GRIA4: variants seen among roughly 807,000 people sequenced by gnomAD.
GRIA4 encodes the protein glutamate ionotropic receptor AMPA type subunit 4.
A neutral mutation model predicts 104.0 loss-of-function variants in GRIA4; 34 were observed. That is an observed-to-expected ratio of 0.33 (90% CI 0.25 to 0.44). The LOEUF (loss-of-function observed/expected upper bound fraction) is 0.44. Ranked by LOEUF, GRIA4 falls within the 20% of genes least tolerant of loss-of-function variation. The probability of loss-of-function intolerance (pLI) is 1.00; values close to 1 mark genes in which losing one functional copy is unlikely to be tolerated. For synonymous variants in GRIA4, 386 were observed against 381.9 expected (o/e 1.01, Z -0.13); for missense variants, 750 against 1,096.5 (o/e 0.68, Z 4.46).
chr11:105,771,230 C>T (rs1053940337), intron 4 of GRIA4, among the ~76,000 whole-genome samples: 5 of 152,068 alleles, frequency 3.3e-5, no homozygotes, highest in Non-Finnish European at 5.9e-5. Context: ...CATGCCCACT[C>T]TACAGAATTT....
chr11:105,951,813 C>T (rs2136241935), intron 14 of GRIA4, among the ~76,000 whole-genome samples: 2 of 151,918 alleles, frequency 1.3e-5, no homozygotes, highest in South Asian at 4.2e-4. Flanking sequence ...CAAAAATTAG[C>T]TGGGTATGGT....
At chr11:105,641,346 A>G (rs1291054890) in intron 3 of GRIA4, among the ~76,000 whole-genome samples, 2 of 152,124 alleles carry the variant, frequency 1.3e-5, no homozygotes, top group Non-Finnish European at 2.9e-5. Flanking sequence ...GTCACTCACC[A>G]TAGCCACTAT....
chr11:105,660,383 G>A (rs1448310718), intron 3 of GRIA4, among the ~76,000 whole-genome samples: 1 of 151,662 alleles, frequency 6.6e-6, no homozygotes, highest in Non-Finnish European at 1.5e-5. Flanking sequence ...GACTAAGAAT[G>A]ACATTACAGA....
chr11:105,643,722 T>C (rs914376321), intron 3 of GRIA4, among the ~76,000 whole-genome samples: 1 of 152,162 alleles, frequency 6.6e-6, no homozygotes, highest in African/African-American at 2.4e-5. Flanking sequence ...TGTTGTTTTT[T>C]GTTTTTGCTT....
chr11:105,745,063 A>C (rs879688743), intron 3 of GRIA4, among the ~76,000 whole-genome samples: 1 of 152,162 alleles, frequency 6.6e-6, no homozygotes, highest in Non-Finnish European at 1.5e-5. Flanking sequence ...AAATAAGAAG[A>C]AAATAGAAAC....
At chr11:105,625,832 A>G (rs1385762451) in intron 3 of GRIA4, among the ~76,000 whole-genome samples, 3 of 152,184 alleles carry the variant, frequency 2.0e-5, no homozygotes, top group Non-Finnish European at 4.4e-5. Context: ...GCTACAAATT[A>G]ACCTCTCCAT....
At chr11:105,710,199 T>C (rs1189974673) in intron 3 of GRIA4, among the ~76,000 whole-genome samples, 3 of 152,140 alleles carry the variant, frequency 2.0e-5, no homozygotes, top group African/African-American at 7.2e-5. Context: ...CTTACCTTGC[T>C]GCGATACATG....
chr11:105,719,298 C>T (rs1954211895), intron 3 of GRIA4, among the ~76,000 whole-genome samples: 1 of 152,074 alleles, frequency 6.6e-6, no homozygotes, highest in Non-Finnish European at 1.5e-5. Flanking sequence ...TAGGAACTAT[C>T]GGAGCGATTA....
intron 4 of GRIA4, among the ~76,000 whole-genome samples, chr11:105,754,098 A>T (rs914632680): frequency 5.3e-5 from 8 of 152,006 alleles, no homozygotes; most frequent in African/African-American, 1.9e-4. Context: ...AAAAGTCCCA[A>T]CCCTCTGATC....
chr11:105,654,487 G>A (rs1055189292), intron 3 of GRIA4, among the ~76,000 whole-genome samples: 9 of 151,894 alleles, frequency 5.9e-5, no homozygotes, highest in South Asian at 2.1e-4. Context: ...AATATTATGT[G>A]TATATTAATA....
At chr11:105,748,442 C>T (rs1453125306) in intron 3 of GRIA4, among the ~76,000 whole-genome samples, 1 of 151,904 alleles carries the variant, frequency 6.6e-6, no homozygotes, top group Non-Finnish European at 1.5e-5. Flanking sequence ...TGCAGTGGCC[C>T]GATCTCAACT....
At chr11:105,671,456 C>A (rs1393713694) in intron 3 of GRIA4, among the ~76,000 whole-genome samples, 1 of 151,722 alleles carries the variant, frequency 6.6e-6, no homozygotes, top group East Asian at 1.9e-4. Context: ...GAGGGTGAAT[C>A]ACCTAGGGTC....
intron 3 of GRIA4, among the ~76,000 whole-genome samples, chr11:105,662,028 C>T (rs201829441): frequency 8.2e-5 from 4 of 49,038 alleles, no homozygotes; most frequent in South Asian, 1.4e-3. Flanking sequence ...TGTGTGTGCA[C>T]ATCAAATGAA....
At chr11:105,861,995 T>G (rs545065871) in intron 4 of GRIA4, 29 bp from the exon 5 acceptor site, 89 of 1,483,052 alleles carry the variant, frequency 6.0e-5, no homozygotes, top group Non-Finnish European at 7.2e-5. Flanking sequence ...TAAAAGCATG[T>G]TTTTAGTAAC....
chr11:105,672,007 A>G (rs1005041125), intron 3 of GRIA4, among the ~76,000 whole-genome samples: 2 of 152,140 alleles, frequency 1.3e-5, no homozygotes, highest in Non-Finnish European at 2.9e-5. Flanking sequence ...TTATTTCTGC[A>G]GTGCTGGCAC....
At chr11:105,636,556 T>C (rs1951207850) in intron 3 of GRIA4, among the ~76,000 whole-genome samples, 1 of 152,140 alleles carries the variant, frequency 6.6e-6, no homozygotes, top group Non-Finnish European at 1.5e-5. Context: ...AGGCCTAAAA[T>C]AGAAAGGATT....
At position 105,708,800 on chromosome 11, in the gene GRIA4, T is replaced by C. The variant is rs557511670; in HGVS notation, c.248-44181T>C. 1.9e-3 allele frequency among the ~76,000 whole-genome samples: 283 copies of C among 152,050 alleles called. 3 individuals carry two copies. In the Middle Eastern group the frequency reaches 0.054, roughly 29 times the overall value. The stretch of plus-strand genomic sequence containing the variant: ...CTAGAATAAGCACTCCTGTGTTGGG[T>C]TGAAATAAGAATGAGTTCATAGTTT... On this transcript the variant is annotated intron_variant, in intron 3 of 16. Coordinates refer to ENST00000282499, the MANE Select transcript of GRIA4 (RefSeq NM_000829.4).
intron 3 of GRIA4, among the ~76,000 whole-genome samples, chr11:105,658,833 T>C (rs1403627772): frequency 1.3e-5 from 2 of 151,834 alleles, no homozygotes; most frequent in African/African-American, 2.4e-5. Flanking sequence ...TTTTCTTACA[T>C]GTGAATGGAA....
chr11:105,653,425 A>G (rs369000103), intron 3 of GRIA4, among the ~76,000 whole-genome samples: 4 of 152,214 alleles, frequency 2.6e-5, no homozygotes, highest in East Asian at 3.9e-4. Flanking sequence ...CAGCATGCAC[A>G]GCATGGTGAC....
Sources: allele counts gnomAD v4.1 joint callset (sites outside exome capture counted in the v4.1 genomes callset), GRCh38; gene constraint gnomAD v4.1.1; transcripts MANE v1.5; gene names NCBI Gene and HGNC (gene_info 2026-07-23, HGNC 2026-07-21).